GRIA1: variants seen among roughly 807,000 people sequenced by gnomAD.
GRIA1 encodes glutamate receptor 1.
Under a neutral mutation model 99.2 loss-of-function variants are expected in GRIA1, and 31 were observed. The observed-to-expected ratio is 0.31, with a 90% CI of 0.23 to 0.42. The LOEUF (loss-of-function observed/expected upper bound fraction) is 0.42. GRIA1 is among the 10% of genes least tolerant of loss of function. The pLI, the probability that GRIA1 is intolerant of heterozygous loss-of-function variation, is 1.00. For missense variants in GRIA1, 782 were observed against 1,157.5 expected, an observed-to-expected ratio of 0.68 and a Z score of 4.71; for synonymous variants, 438 against 432.4, an observed-to-expected ratio of 1.01 and a Z score of -0.16.
rs897829355 is a variant in GRIA1, at chr5:153,521,143, A to T, written c.220+27078A>T. On this transcript the variant is annotated intron_variant, in intron 2 of 15. Coordinates refer to ENST00000285900, the MANE Select transcript of GRIA1 (RefSeq NM_000827.4). ...AACAAAAGGGAGGGCCTGGGGTCAG[A>T]GGCTGTTAGCTTGGCATGAAGGATG... 5.3e-5 allele frequency among the ~76,000 whole-genome samples: 8 copies of T among 152,350 alleles called. No homozygotes were observed. The East Asian group carries it at 1.4e-3, about 26-fold the overall frequency.
At chr5:153,534,953 T>A (rs1758429495) in intron 2 of GRIA1, among the ~76,000 whole-genome samples, 2 of 151,776 alleles carry the variant, frequency 1.3e-5, no homozygotes, top group African/African-American at 4.8e-5. Flanking sequence ...TGAGGTGGAG[T>A]CTCTGTTGCC....
Position 153,521,681 on chromosome 5 carries a change from A to G in GRIA1, c.220+27616A>G, listed in dbSNP as rs375561669. ...AGATGTAGCTCTGGTGGTTGAAGCT[A>G]AGGACAATAATGAAAATAATATGAT... is the stretch of plus-strand genomic sequence containing the variant. On this transcript the variant is annotated intron_variant, in intron 2 of 15. Coordinates refer to ENST00000285900, the MANE Select transcript of GRIA1 (RefSeq NM_000827.4). 6.6e-5 allele frequency among the ~76,000 whole-genome samples: 10 copies of G among 152,312 alleles called. No individual in the cohort carries two copies. The East Asian group carries it at 1.4e-3, about 21-fold the overall frequency.
Position 153,709,464 on chromosome 5 carries a change from CA to C in GRIA1, c.1823+3401del, listed in dbSNP as rs202090107. On this transcript the variant is annotated intron_variant, in intron 11 of 15. Transcript: ENST00000285900. Reference sequence around the variant, plus strand: ...GTTAATGTCTAGTAACCAAAACCAACAAAATGTGGCTAAGTGTAATTGTCTG... The same window carrying C: ...GTTAATGTCTAGTAACCAAAACCAACAAATGTGGCTAAGTGTAATTGTCTG... Among the ~76,000 whole-genome samples the C allele has an allele frequency of 7.0e-3, 1,066 of 152,268 alleles. 9 individuals carry two copies. Among genetic ancestry groups the C allele is most frequent in the African/African-American group, 0.024 (1,003 of 41,550 alleles).
chr5:153,530,525 T>G (rs1175289035), intron 2 of GRIA1, among the ~76,000 whole-genome samples: 3 of 152,218 alleles, frequency 2.0e-5, no homozygotes, highest in African/African-American at 7.2e-5. Context: ...CCCTGCAGAT[T>G]GCAAATGGGA....
chr5:153,679,221 C>T (rs1162940835), intron 7 of GRIA1, among the ~76,000 whole-genome samples: 1 of 152,164 alleles, frequency 6.6e-6, no homozygotes, highest in Non-Finnish European at 1.5e-5. Flanking sequence ...AAGGCCTGCG[C>T]TCAAGGAACT....
intron 11 of GRIA1, among the ~76,000 whole-genome samples, chr5:153,762,739 A>G (rs545676977): frequency 6.6e-6 from 1 of 152,320 alleles, no homozygotes; most frequent in East Asian, 1.9e-4. Context: ...CACCAAGTAT[A>G]TCTCTGTAAA....
chr5:153,532,940 A>G (rs1360446734), intron 2 of GRIA1, among the ~76,000 whole-genome samples: 1 of 152,258 alleles, frequency 6.6e-6, no homozygotes, highest in African/African-American at 2.4e-5. Context: ...CACTTAGCCC[A>G]GGACCTAGAA....
chr5:153,768,002 C>G (rs1014345243), intron 12 of GRIA1, among the ~76,000 whole-genome samples: 1 of 152,190 alleles, frequency 6.6e-6, no homozygotes, highest in Non-Finnish European at 1.5e-5. Context: ...GGCTCCTCAG[C>G]TCTGCCTGTC....
Position 153,493,932 on chromosome 5 carries a change from A to T in GRIA1, c.87A>T (p.Gly29=). ...TTGCATTTTCTTTTCTCATAGGGGG[A>T]TTATTTCCAAACCAGCAGTCACAGG... The part of the protein sequence containing the change: ...ANFPNNIQIG[G]LFPNQQSQEH... The change falls in exon 2 of 16, where the codon GGA becomes GGT. Residue 29 remains glycine (G), a synonymous_variant. Transcript: ENST00000285900. 2 of 1,613,720 alleles carry T rather than the reference A, an allele frequency of 1.2e-6. No homozygotes were observed. The highest frequency in any genetic ancestry group is 1.1e-5 in the South Asian group (1 of 91,050).
intron 11 of GRIA1, among the ~76,000 whole-genome samples, chr5:153,716,875 G>A (rs76447591): frequency 0.073 from 11,168 of 152,252 alleles, 557 homozygotes; most frequent in South Asian, 0.16. Flanking sequence ...TTGTCCTATA[G>A]AAATGATCGT....
At chr5:153,799,210 G>A (rs1765843214) in intron 14 of GRIA1, among the ~76,000 whole-genome samples, 1 of 152,204 alleles carries the variant, frequency 6.6e-6, no homozygotes, top group African/African-American at 2.4e-5. Context: ...CAGCTGGGAA[G>A]TGTGTAGCTG....
intron 2 of GRIA1, among the ~76,000 whole-genome samples, chr5:153,609,554 T>C (rs889556857): frequency 5.2e-5 from 6 of 115,446 alleles, no homozygotes; most frequent in East Asian, 2.0e-4. Context: ...CAGACTCTTT[T>C]CTTTTTTTTT....
At chr5:153,513,009 G>A (rs751651785) in intron 2 of GRIA1, among the ~76,000 whole-genome samples, 3 of 152,150 alleles carry the variant, frequency 2.0e-5, no homozygotes, top group Non-Finnish European at 1.5e-5. Flanking sequence ...GGCGGCCATT[G>A]GCAAGTCAGG....
intron 5 of GRIA1, among the ~76,000 whole-genome samples, chr5:153,669,576 C>T (rs1755999858): frequency 6.6e-6 from 1 of 152,134 alleles, no homozygotes; most frequent in Non-Finnish European, 1.5e-5. Context: ...ATCTAAGATA[C>T]ATTAGAGCTA....
chr5:153,577,038 A>G (rs1284173433), intron 2 of GRIA1, among the ~76,000 whole-genome samples: 1 of 88,678 alleles, frequency 1.1e-5, no homozygotes, highest in Non-Finnish European at 2.5e-5. Flanking sequence ...GGGTAGATGA[A>G]TGGGTGGATG....
intron 2 of GRIA1, among the ~76,000 whole-genome samples, chr5:153,643,321 T>C (rs11955628): frequency 0.1 from 15,614 of 152,204 alleles, 830 homozygotes; most frequent in African/African-American, 0.11. Flanking sequence ...TGGGATTTAC[T>C]TAAAGTCATA....
chr5:153,750,253 G>A (rs915832542), intron 11 of GRIA1, among the ~76,000 whole-genome samples: 3 of 152,292 alleles, frequency 2.0e-5, no homozygotes, highest in African/African-American at 4.8e-5. Context: ...GCTCAGCTCA[G>A]TAATTAGTCA....
intron 15 of GRIA1, 123 bp downstream of exon 15, chr5:153,802,613 G>A: frequency 1.0e-6 from 1 of 963,444 alleles, no homozygotes; most frequent in Non-Finnish European, 1.6e-6. Context: ...AAGACAGGAA[G>A]CAGGAAGCTG....
rs1485143762 is a variant in GRIA1 at position 153,706,772 on chromosome 5, T to C, written c.1823+705T>C. ...TCTGGAAATAATCTAGTTCCAGTGA[T>C]GATGGAAATTTGTTTCTTGTAATTA... On this transcript the variant is annotated intron_variant, in intron 11 of 15. Transcript: ENST00000285900. Among the ~76,000 whole-genome samples the C allele has an allele frequency of 3.3e-5, 5 of 152,242 alleles. No individual in the cohort carries two copies. The East Asian group carries it at 9.7e-4, about 29-fold the overall frequency.
Sources: gnomAD v4.1 joint callset for allele counts (sites outside exome capture counted in the v4.1 genomes callset) on GRCh38, gnomAD v4.1.1 for gene constraint, MANE v1.5 for transcripts, NCBI Gene and HGNC (gene_info 2026-07-23, HGNC 2026-07-21) for gene names.